The following MEIOSIN variants were observed in gnomAD, a reference collection of about 807,000 sequenced individuals.
MEIOSIN encodes the protein meiosis initiator.
In MEIOSIN, 18 loss-of-function variants were observed where a neutral mutation model predicts 23.4. That is an observed-to-expected ratio of 0.77 (90% confidence interval 0.53 to 1.14). The LOEUF (loss-of-function observed/expected upper bound fraction) is 1.14. Among genes scored for constraint, MEIOSIN ranks in the 50% most tolerant of loss-of-function variants. The pLI, the probability that MEIOSIN is intolerant of heterozygous loss-of-function variation, is 0.00. For synonymous variants in MEIOSIN, 187 were observed against 100.6 expected (o/e 1.86, Z -5.14); for missense variants, 428 against 242.9 (o/e 1.76, Z -5.07).
At chr19:45,751,969 GTGAT>G (rs1968720500) in intron 5 of MEIOSIN, among the ~76,000 whole-genome samples, 1 of 150,884 alleles carries the variant, frequency 6.6e-6, no homozygotes, top group South Asian at 2.1e-4. Context: ...CTGACCTCAG[GTGAT>G]CCACCCACCT....
chr19:45,757,582 G>A (rs904488281), intron 9 of MEIOSIN, among the ~76,000 whole-genome samples: 8 of 152,150 alleles, frequency 5.3e-5, no homozygotes, highest in South Asian at 2.1e-4. Flanking sequence ...GTACAGTGGC[G>A]CAGTCTCAGC....
In MEIOSIN at chr19:45,764,416, C is replaced by T; in HGVS notation, c.*298C>T. ...ACCCCTCTCCCCTTCCCTTCCCCAC[C>T]CCAGAGCCACTCGGTTGCAACCCTG... On this transcript the variant is annotated 3_prime_UTR_variant, in exon 15 of 15. Coordinates refer to ENST00000457052, the MANE Select transcript of MEIOSIN (RefSeq NM_001310124.2). 1 of 320,508 alleles carries T rather than the reference C, an allele frequency of 3.1e-6. No homozygotes were observed. The highest frequency in any genetic ancestry group is 5.7e-6 in the Non-Finnish European group (1 of 176,602). The allele number at this position is 320,508 out of a possible 1,614,324, so 19.9% of individuals were successfully genotyped here. A position where few individuals can be genotyped will look rare whatever the true frequency, so the allele number is the denominator to read the frequency against.
chr19:45,760,837 A>G lies in MEIOSIN; in HGVS notation c.1246-842A>G, dbSNP rs150587040. 1.2e-4 allele frequency among the ~76,000 whole-genome samples: 18 copies of G among 151,732 alleles called. No homozygotes were observed. In the East Asian group the frequency reaches 3.3e-3, roughly 28 times the overall value. The stretch of plus-strand genomic sequence containing the variant: ...CAGTTACTCAGGAGTCTGAGGCAGG[A>G]GAATCACTTGAACCCAAGAGGTGGA... On this transcript the variant is annotated intron_variant, in intron 11 of 14. Transcript: ENST00000457052.
chr19:45,739,686 T>C lies in MEIOSIN; in HGVS notation c.132T>C (p.His44=). Residue 44 remains histidine, a synonymous_variant, in exon 3 of 15, where the codon CAT becomes CAC. Transcript: ENST00000457052. ...GEDKVNPSEP[H]GLRMEEKWLL... Reference sequence around the variant, plus strand: ...ATAAGGTCAACCCCTCCGAACCACATGGACTGAGAATGGAGGAGAAATGGT... The same window carrying C: ...ATAAGGTCAACCCCTCCGAACCACACGGACTGAGAATGGAGGAGAAATGGT... 1 of 703,436 alleles carries C rather than the reference T, an allele frequency of 1.4e-6. No individual in the cohort carries two copies. Among genetic ancestry groups the C allele is most frequent in the Non-Finnish European group, 2.6e-6 (1 of 385,108 alleles). The allele number at this position is 703,436 out of a possible 1,614,324, so 43.6% of individuals were successfully genotyped here.
intron 11 of MEIOSIN, among the ~76,000 whole-genome samples, chr19:45,759,782 T>G (rs1312380112): frequency 1.1e-4 from 12 of 107,202 alleles, no homozygotes. Flanking sequence ...CACATCATTT[T>G]ATTCATTTAT....
chr19:45,747,293 T>C (rs1353579260), intron 4 of MEIOSIN, among the ~76,000 whole-genome samples: 1 of 152,196 alleles, frequency 6.6e-6, no homozygotes, highest in Non-Finnish European at 1.5e-5. Flanking sequence ...CTCAGTCCAG[T>C]GCTCCGCGCC....
At chr19:45,749,141 C>A (rs892391690) in intron 4 of MEIOSIN, among the ~76,000 whole-genome samples, 1 of 147,378 alleles carries the variant, frequency 6.8e-6, no homozygotes, top group Admixed American at 6.8e-5. Flanking sequence ...GAGGCCAAGG[C>A]GGGTGGATCA....
intron 11 of MEIOSIN, among the ~76,000 whole-genome samples, chr19:45,760,650 C>T (rs952981977): frequency 2.6e-5 from 4 of 151,618 alleles, no homozygotes; most frequent in South Asian, 2.1e-4. Flanking sequence ...AGGGTGTGGC[C>T]GGGCGTGGTG....
chr19:45,763,970 G>C lies in MEIOSIN; in HGVS notation c.1770-1G>C. 2.5e-6 allele frequency: 1 copy of C among 398,752 alleles called. No individual in the cohort carries two copies. The highest frequency in any genetic ancestry group is 4.4e-6 in the Non-Finnish European group (1 of 226,168). The allele number at this position is 398,752 out of a possible 1,614,324, so 24.7% of individuals were successfully genotyped here. Reference sequence around the variant, plus strand: ...AGGCCATCCTGCCACCGTCTCCCCAGCACCAAGGCTCGCAGGTTCAGCCGC... The same window carrying C: ...AGGCCATCCTGCCACCGTCTCCCCACCACCAAGGCTCGCAGGTTCAGCCGC... On this transcript the variant is annotated splice_acceptor_variant, in intron 14 of 14. Coordinates refer to ENST00000457052, the MANE Select transcript of MEIOSIN (RefSeq NM_001310124.2). LOFTEE classifies it high-confidence loss of function.
chr19:45,756,143 G>A (rs1042128116), intron 8 of MEIOSIN, 65 bp downstream of exon 8: 41 of 690,498 alleles, frequency 5.9e-5, no homozygotes, highest in Non-Finnish European at 1.0e-4. Flanking sequence ...TGGGTGAGGG[G>A]TAGTGGGAAG....
chr19:45,763,810 C>T (rs1036065354), intron 14 of MEIOSIN, among the ~76,000 whole-genome samples, 161 bp from the exon 15 acceptor site: 30 of 152,334 alleles, frequency 2.0e-4, no homozygotes, highest in Admixed American at 1.2e-3. Flanking sequence ...AGCCCTTGGC[C>T]GAGTCCCATC....
intron 9 of MEIOSIN, 53 bp from the exon 10 acceptor site, chr19:45,758,825 A>G: frequency 1.4e-6 from 1 of 689,720 alleles, no homozygotes; most frequent in South Asian, 1.5e-5. Context: ...CTGCTGTGCT[A>G]GGGCAGAGGG....
intron 4 of MEIOSIN, among the ~76,000 whole-genome samples, chr19:45,748,960 T>C (rs1398430702): frequency 1.3e-5 from 2 of 151,774 alleles, no homozygotes; most frequent in African/African-American, 2.4e-5. Flanking sequence ...CCCCTGCTAC[T>C]CAGGAGGTTG....
intron 3 of MEIOSIN, among the ~76,000 whole-genome samples, chr19:45,744,766 C>T (rs1227526665): frequency 6.6e-6 from 1 of 152,144 alleles, no homozygotes; most frequent in Non-Finnish European, 1.5e-5. Flanking sequence ...AGCCACTGCA[C>T]CCACCCCACA....
At chr19:45,737,824 A>C (rs149600392) in intron 2 of MEIOSIN, among the ~76,000 whole-genome samples, 13 of 151,896 alleles carry the variant, frequency 8.6e-5, no homozygotes, top group South Asian at 4.2e-4. Flanking sequence ...TGGGAGGCTG[A>C]GACAGGAGAA....
At chr19:45,735,264 C>A (rs1323569949) in intron 1 of MEIOSIN, 113 bp from the exon 2 acceptor site, 4 of 627,334 alleles carry the variant, frequency 6.4e-6, no homozygotes, top group African/African-American at 5.5e-5. Context: ...ATTTTGGGAT[C>A]TCTGGGTGCT....
In MEIOSIN at chr19:45,754,575, C is replaced by T. The variant is rs1311696578; in HGVS notation, c.653C>T (p.Thr218Ile). Residue 218 changes from threonine to isoleucine, a missense_variant, in exon 7 of 15, where the codon ACA becomes ATA. By Grantham distance (89) the Thr-to-Ile change is moderately conservative. Coordinates refer to ENST00000457052, the MANE Select transcript of MEIOSIN (RefSeq NM_001310124.2). ...APSPDQKGSG[T>I]GGTTTPPRCP... ...TCCCCAGACCAGAAAGGAAGTGGCACAGGGGGGACCACTACCCCTCCAAGG... is the reference window on the plus strand; with the variant it reads ...TCCCCAGACCAGAAAGGAAGTGGCATAGGGGGGACCACTACCCCTCCAAGG... 1 of 703,066 alleles carries T rather than the reference C, an allele frequency of 1.4e-6. No individual in the cohort carries two copies. Among genetic ancestry groups the T allele is most frequent in the Non-Finnish European group, 2.6e-6 (1 of 385,028 alleles). The allele number at this position is 703,066 out of a possible 1,614,324, so 43.6% of individuals were successfully genotyped here. A position where few individuals can be genotyped will look rare whatever the true frequency, so the allele number is the denominator to read the frequency against.
chr19:45,749,700 A>T, intron 4 of MEIOSIN, among the ~76,000 whole-genome samples: 1 of 149,274 alleles, frequency 6.7e-6, no homozygotes, highest in Non-Finnish European at 1.5e-5. Context: ...AAGCGCAAAA[A>T]AAAAAAACAA....
At chr19:45,734,113 T>A (rs1324976634) in intron 1 of MEIOSIN, among the ~76,000 whole-genome samples, 1 of 152,120 alleles carries the variant, frequency 6.6e-6, no homozygotes, top group Non-Finnish European at 1.5e-5. Flanking sequence ...ATTTAGGGCC[T>A]AAATCCCAAT....
Sources: allele counts gnomAD v4.1 joint callset (sites outside exome capture counted in the v4.1 genomes callset), GRCh38; gene constraint gnomAD v4.1.1; transcripts MANE v1.5; gene names NCBI Gene and HGNC (gene_info 2026-07-23, HGNC 2026-07-21).